EHMT1: variants seen among roughly 807,000 people sequenced by gnomAD.
EHMT1 encodes the protein euchromatic histone lysine methyltransferase 1, also known as histone-lysine N-methyltransferase EHMT1.
In EHMT1, 15 loss-of-function variants were observed where a neutral mutation model predicts 147.2. That is an observed-to-expected ratio of 0.10 (90% confidence interval 0.07 to 0.16). EHMT1 has a LOEUF of 0.16. Among genes scored for constraint, EHMT1 ranks in the 10% least tolerant of loss-of-function variants. EHMT1 has a pLI of 1.00. For missense variants in EHMT1, 1,587 were observed against 1,772.4 expected (o/e 0.90, Z 1.88); for synonymous variants, 795 against 709.6 (o/e 1.12, Z -1.91).
intron 1 of EHMT1, among the ~76,000 whole-genome samples, chr9:137,648,514 T>C: frequency 7.2e-6 from 1 of 139,734 alleles, no homozygotes; most frequent in East Asian, 2.0e-4. Flanking sequence ...AAAAAATAGT[T>C]GGGCATGGTG....
At position 137,670,878 on chromosome 9, in the gene EHMT1, G is replaced by A. The variant is rs571952501; in HGVS notation, c.22-40089G>A. Among the ~76,000 whole-genome samples, 3 of 152,294 alleles carry A rather than the reference G, an allele frequency of 2.0e-5. No homozygotes were observed. In the South Asian group the frequency reaches 6.2e-4, roughly 32 times the overall value. On this transcript the variant is annotated intron_variant, in intron 1 of 26. Transcript: ENST00000460843. ...TTGCCGCCGTCTTCCTTCTGGGAGG[G>A]CTTTCTCGGAGTGCAGGCTACCTTT...
At chr9:137,777,815 C>A in intron 12 of EHMT1, 67 bp from the exon 13 acceptor site, 1 of 1,596,556 alleles carries the variant, frequency 6.3e-7, no homozygotes, top group Non-Finnish European at 8.5e-7. Context: ...CGCTCTCGGG[C>A]AGTCAGAGTC....
chr9:137,637,103 T>C (rs1844137596), intron 1 of EHMT1, among the ~76,000 whole-genome samples: 1 of 151,936 alleles, frequency 6.6e-6, no homozygotes, highest in Non-Finnish European at 1.5e-5. Context: ...TTCACTGTGT[T>C]AGTCAGGATG....
Position 137,743,449 on chromosome 9 carries a change from A to G in EHMT1, c.902A>G (p.Lys301Arg), listed in dbSNP as rs751305840. The stretch of plus-strand genomic sequence containing the variant: ...ATGGGAACCTATAGCCTGGTTCCTA[A>G]GAAAAAGACCAAAGTATTAAAACAG... ...RRMGTYSLVPKKKTKVLKQRT... is the reference protein window; with the variant it reads ...RRMGTYSLVPRKKTKVLKQRT... Residue 301 changes from lysine to arginine, a missense_variant, in exon 5 of 27, where the codon AAG becomes AGG. Physicochemically the swap from Lys to Arg is conservative, Grantham distance 26. Transcript: ENST00000460843. 1.2e-6 allele frequency: 2 copies of G among 1,613,912 alleles called. No homozygotes were observed. The highest frequency in any genetic ancestry group is 4.5e-5 in the East Asian group (2 of 44,878).
chr9:137,721,192 T>G, intron 3 of EHMT1, among the ~76,000 whole-genome samples: 1 of 115,414 alleles, frequency 8.7e-6, no homozygotes, highest in African/African-American at 3.3e-5. Flanking sequence ...CCCAGACTTC[T>G]CACACTCACC....
rs550721694 is a variant in EHMT1 at position 137,816,877 on chromosome 9, G to A, written c.3375-562G>A. 169 of 184,588 alleles carry A rather than the reference G, an allele frequency of 9.2e-4. 2 individuals are homozygous for A. Among genetic ancestry groups the A allele is most frequent in the African/African-American group, 3.9e-3 (165 of 42,232 alleles). The allele number at this position is 184,588 out of a possible 1,614,324, so 11.4% of individuals were successfully genotyped here. Reference sequence around the variant, plus strand: ...TGCCAGATGGGCAGACGCGAGGCACGTGGTTCTGAGGGCTCCTCAGAGGCC... The same window carrying A: ...TGCCAGATGGGCAGACGCGAGGCACATGGTTCTGAGGGCTCCTCAGAGGCC... On this transcript the variant is annotated intron_variant, in intron 23 of 26. Transcript: ENST00000460843.
At chr9:137,748,331 A>G (rs1259118760) in intron 6 of EHMT1, among the ~76,000 whole-genome samples, 2 of 152,110 alleles carry the variant, frequency 1.3e-5, no homozygotes, top group Non-Finnish European at 1.5e-5. Context: ...GCTATTTCAG[A>G]GTGTGCGGGG....
chr9:137,723,500 T>C (rs1224278447), intron 3 of EHMT1, among the ~76,000 whole-genome samples: 3 of 142,934 alleles, frequency 2.1e-5, no homozygotes, highest in African/African-American at 5.3e-5. Context: ...TCTGTGGTTC[T>C]GGGCCTGAGC....
At chr9:137,744,783 C>A (rs1186683934) in intron 6 of EHMT1, among the ~76,000 whole-genome samples, 2 of 152,276 alleles carry the variant, frequency 1.3e-5, no homozygotes, top group Non-Finnish European at 2.9e-5. Context: ...TCACAGACAG[C>A]CTCATCCTGT....
chr9:137,794,583 G>A lies in EHMT1; in HGVS notation c.2505+3613G>A, dbSNP rs143408609. Among the ~76,000 whole-genome samples, 7 of 151,520 alleles carry A rather than the reference G, an allele frequency of 4.6e-5. No individual in the cohort carries two copies. In the East Asian group the frequency reaches 1.4e-3, roughly 29 times the overall value. Reference sequence around the variant, plus strand: ...CATCACCTGAGCACAGGAGTTTGAGGCTACAGTGAGCTGGATTAGCACCAC... The same window carrying A: ...CATCACCTGAGCACAGGAGTTTGAGACTACAGTGAGCTGGATTAGCACCAC... On this transcript the variant is annotated intron_variant, in intron 16 of 26. Coordinates refer to ENST00000460843, the MANE Select transcript of EHMT1 (RefSeq NM_024757.5).
At chr9:137,812,967 A>G in intron 19 of EHMT1, 39 bp from the exon 20 acceptor site, 1 of 1,612,774 alleles carries the variant, frequency 6.2e-7, no homozygotes, top group Non-Finnish European at 8.5e-7. Context: ...TTTTCAAGTC[A>G]GCTTTAAATG....
chr9:137,751,810 T>C (rs1470272822), intron 6 of EHMT1, among the ~76,000 whole-genome samples: 1 of 152,202 alleles, frequency 6.6e-6, no homozygotes, highest in East Asian at 1.9e-4. Flanking sequence ...TCTGCCTGGA[T>C]GTTCACTGGA....
chr9:137,667,758 C>G (rs546549385), intron 1 of EHMT1, among the ~76,000 whole-genome samples: 1 of 152,082 alleles, frequency 6.6e-6, no homozygotes, highest in Admixed American at 6.6e-5. Context: ...ACAGTGAAAG[C>G]GTTGTATTTT....
chr9:137,687,496 T>G lies in EHMT1; in HGVS notation c.22-23471T>G, dbSNP rs185508586. 1.1e-4 allele frequency among the ~76,000 whole-genome samples: 17 copies of G among 152,114 alleles called. No homozygotes were observed. In the East Asian group the frequency reaches 3.3e-3, roughly 29 times the overall value. ...GAGAGTTTAGGTGGAGGAGTTTAGG[T>G]AGAGTTCAGGTAGAGTTTAGGTAGT... is the stretch of plus-strand genomic sequence containing the variant. On this transcript the variant is annotated intron_variant, in intron 1 of 26. Transcript: ENST00000460843.
chr9:137,777,823 G>C (rs1217805002), intron 12 of EHMT1, 59 bp from the exon 13 acceptor site: 7 of 1,605,010 alleles, frequency 4.4e-6, no homozygotes, highest in South Asian at 2.2e-5. Context: ...GGCAGTCAGA[G>C]TCGGAACAGG....
At chr9:137,721,095 G>A (rs1179539158) in intron 3 of EHMT1, among the ~76,000 whole-genome samples, 1 of 151,516 alleles carries the variant, frequency 6.6e-6, no homozygotes, top group Non-Finnish European at 1.5e-5. Context: ...AGGCTTCAGC[G>A]TGCGTATCCC....
intron 9 of EHMT1, among the ~76,000 whole-genome samples, chr9:137,758,496 G>T (rs1325457700): frequency 6.6e-6 from 1 of 152,262 alleles, no homozygotes; most frequent in Non-Finnish European, 1.5e-5. Context: ...AGCAGCTTCT[G>T]TTGGGAGTTG....
At chr9:137,718,451 C>A (rs559454080) in intron 3 of EHMT1, among the ~76,000 whole-genome samples, 4 of 152,214 alleles carry the variant, frequency 2.6e-5, no homozygotes, top group Admixed American at 1.3e-4. Flanking sequence ...GTTTGTAGAT[C>A]GTTTGCTCTT....
intron 25 of EHMT1, among the ~76,000 whole-genome samples, chr9:137,822,099 C>T (rs368757758): frequency 1.3e-5 from 2 of 152,246 alleles, no homozygotes; most frequent in African/African-American, 2.4e-5. Context: ...GTCCCTCCTT[C>T]TCCCCTGCCC....
Sources: gnomAD v4.1 joint callset for allele counts (sites outside exome capture counted in the v4.1 genomes callset) on GRCh38, gnomAD v4.1.1 for gene constraint, MANE v1.5 for transcripts, NCBI Gene and HGNC (gene_info 2026-07-23, HGNC 2026-07-21) for gene names.